Variants in LRP8 observed in about 807,000 individuals in gnomAD.
LRP8 encodes the protein low-density lipoprotein receptor-related protein 8.
In LRP8, 46 loss-of-function variants were observed where a neutral mutation model predicts 111.6. The observed-to-expected ratio is 0.41, with a 90% confidence interval of 0.33 to 0.53. LRP8 has a LOEUF of 0.53. LRP8 is among the 20% of genes least tolerant of loss of function. The pLI is 0.20. For synonymous variants in LRP8, 464 were observed against 511.2 expected, an observed-to-expected ratio of 0.91 and a Z score of 1.24; for missense variants, 959 against 1,297.4, an observed-to-expected ratio of 0.74 and a Z score of 4.01.
At position 53,317,427 on chromosome 1, in the gene LRP8, C is replaced by T. The variant is rs945565873; in HGVS notation, c.244+9446G>A. Among the ~76,000 whole-genome samples, 31 of 152,206 alleles carry T rather than the reference C, an allele frequency of 2.0e-4. No individual in the cohort carries two copies. Among genetic ancestry groups the T allele is most frequent in the Admixed American group, 9.8e-4 (15 of 15,288 alleles). On this transcript the variant is annotated intron_variant, in intron 2 of 18. Coordinates refer to ENST00000306052, the MANE Select transcript of LRP8 (RefSeq NM_004631.5). This position sits in a 1 kb window ranked among gnomAD's most constrained non-coding sequence, Gnocchi z 4.9. ...GGAAGCAGCCACCCTGGGGCCCCAGCGCAGATGGGGTGGGATGAGATGGCT... is the reference window on the plus strand; with the variant it reads ...GGAAGCAGCCACCCTGGGGCCCCAGTGCAGATGGGGTGGGATGAGATGGCT...
chr1:53,259,048 T>C (rs1646224764), intron 13 of LRP8, among the ~76,000 whole-genome samples: 1 of 152,248 alleles, frequency 6.6e-6, no homozygotes, highest in South Asian at 2.1e-4. Flanking sequence ...CACTCATTAG[T>C]TGATGGACAC....
intron 2 of LRP8, among the ~76,000 whole-genome samples, chr1:53,314,623 G>C (rs1390618910): frequency 1.3e-5 from 2 of 152,188 alleles, no homozygotes; most frequent in African/African-American, 2.4e-5. Context: ...CAGAAGAGCA[G>C]GTTTTCTAAC....
In LRP8 at chr1:53,279,084, T is replaced by G. The variant is rs546388716; in HGVS notation, c.496+1503A>C. Among the ~76,000 whole-genome samples the G allele has an allele frequency of 5.5e-4, 84 of 152,166 alleles. No individual in the cohort carries two copies. The highest frequency in any genetic ancestry group is 2.0e-3 in the African/African-American group (82 of 41,492). The stretch of plus-strand genomic sequence containing the variant: ...TTAATTTTTAATTTTACTTGAAGAC[T>G]TGGATGGCAAGGAAGTGCTTCTTCA... On this transcript the variant is annotated intron_variant, in intron 4 of 18. Coordinates refer to ENST00000306052, the MANE Select transcript of LRP8 (RefSeq NM_004631.5). This position sits in a 1 kb window ranked among gnomAD's most constrained non-coding sequence, Gnocchi z 4.4.
At position 53,327,003 on chromosome 1, in the gene LRP8, G is replaced by T; in HGVS notation, c.125-11C>A. ...AATCCTTGGCCGGCCCTGCGAGGGG[G>T]AGGGAGCGTGAGCTGGATCAGCGGA... On this transcript the variant is annotated splice_polypyrimidine_tract_variant and intron_variant, in intron 1 of 18. Transcript: ENST00000306052. The T allele has an allele frequency of 1.2e-6, 2 of 1,611,412 alleles. No individual in the cohort carries two copies. The highest frequency in any genetic ancestry group is 1.7e-5 in the Admixed American group (1 of 60,004).
chr1:53,302,337 G>A (rs1200833668), intron 2 of LRP8, among the ~76,000 whole-genome samples: 2 of 152,080 alleles, frequency 1.3e-5, no homozygotes, highest in African/African-American at 4.8e-5. Context: ...AGGTGTAAGC[G>A]TGTGGTCCAC....
At chr1:53,305,590 C>A (rs1651783390) in intron 2 of LRP8, among the ~76,000 whole-genome samples, 1 of 152,236 alleles carries the variant, frequency 6.6e-6, no homozygotes, top group East Asian at 1.9e-4. Context: ...TATTACCTGG[C>A]AGCCAGCGGG....
chr1:53,324,852 G>A (rs2100555217), intron 2 of LRP8, among the ~76,000 whole-genome samples: 1 of 152,166 alleles, frequency 6.6e-6, no homozygotes, highest in East Asian at 1.9e-4. Flanking sequence ...CCCCACCTCA[G>A]CAGACAGTGC....
At position 53,255,162 on chromosome 1, in the gene LRP8, C is replaced by T. The variant is rs377616775; in HGVS notation, c.2458G>A (p.Gly820Ser). 3.7e-6 allele frequency: 6 copies of T among 1,613,636 alleles called. No homozygotes were observed. The African/African-American group carries it at 6.7e-5, about 18-fold the overall frequency. Residue 820 changes from glycine (G) to serine (S), a missense_variant, in exon 16 of 19, where the codon GGC (glycine) becomes AGC (serine). Gly to Ser is a moderately conservative substitution (Grantham distance 56, BLOSUM62 0). Around this residue, in one of 3 missense-constraint regions of LRP8, gnomAD observed 819 missense variants for 1,097.6 expected, o/e 0.75. Transcript: ENST00000306052. Reference protein sequence around the residue: ...QHYANEDSKMGSTVTAAVIGI... With the variant: ...QHYANEDSKMSSTVTAAVIGI... ...ATAACAGCGGCAGTGACTGTTGAGC[C>T]CATCTTACTGTCTTCATTTGCATCT... is the stretch of plus-strand genomic sequence containing the variant.
chr1:53,294,441 C>T lies in LRP8; in HGVS notation c.245-4752G>A, dbSNP rs180779684. On this transcript the variant is annotated intron_variant, in intron 2 of 18. Coordinates refer to ENST00000306052, the MANE Select transcript of LRP8 (RefSeq NM_004631.5). This position sits in a 1 kb window ranked among gnomAD's most constrained non-coding sequence, Gnocchi z 4.1. The stretch of plus-strand genomic sequence containing the variant: ...AGACAGTCCATGGTCTATCAAACTG[C>T]GCCCTGCCACTTGTAGGCTATGTGA... 5.9e-5 allele frequency among the ~76,000 whole-genome samples: 9 copies of T among 152,308 alleles called. No homozygotes were observed. Among genetic ancestry groups the T allele is most frequent in the Admixed American group, 4.6e-4 (7 of 15,304 alleles).
At chr1:53,272,721 CAGACCCTTGG>C in intron 6 of LRP8, 1 of 1,270,078 alleles carries the variant, frequency 7.9e-7, no homozygotes, top group South Asian at 1.2e-5. Context: ...TGGGAAGCCT[CAGACCCTTGG>C]AGGTGGGCTG....
chr1:53,298,882 G>A (rs1050404160), intron 2 of LRP8, among the ~76,000 whole-genome samples: 14 of 152,314 alleles, frequency 9.2e-5, no homozygotes, highest in Admixed American at 3.9e-4. Context: ...CAGCTCTTCC[G>A]CTTCTTCTTT....
intron 2 of LRP8, among the ~76,000 whole-genome samples, chr1:53,316,033 C>G (rs1315644650): frequency 6.6e-6 from 1 of 152,216 alleles, no homozygotes; most frequent in Admixed American, 6.5e-5. Context: ...CCCTGGTTTG[C>G]TTGGTCCAAT....
In LRP8 at chr1:53,301,073, G is replaced by A. The variant is rs114237720; in HGVS notation, c.245-11384C>T. On this transcript the variant is annotated intron_variant, in intron 2 of 18. Transcript: ENST00000306052. Reference sequence around the variant, plus strand: ...GGCCAGTGTAGTCAGCACCCGCTCCGGGAGGGGAGACAGGTGTGCTGCTGG... The same window carrying A: ...GGCCAGTGTAGTCAGCACCCGCTCCAGGAGGGGAGACAGGTGTGCTGCTGG... Among the ~76,000 whole-genome samples the A allele has an allele frequency of 4.3e-3, 653 of 152,280 alleles. 8 individuals are homozygous for A. The highest frequency in any genetic ancestry group is 0.015 in the African/African-American group (627 of 41,554).
chr1:53,276,396 C>T (rs997379729), intron 5 of LRP8, among the ~76,000 whole-genome samples: 3 of 128,908 alleles, frequency 2.3e-5, no homozygotes, highest in African/African-American at 9.2e-5. Context: ...CTGAGCCTGC[C>T]AGGTTTCTGG....
rs1250230689 is a variant in LRP8, at chr1:53,262,620, C to T, written c.1656-56G>A. On this transcript the variant is annotated intron_variant, in intron 10 of 18. Transcript: ENST00000306052. This position sits in a 1 kb window ranked among gnomAD's most constrained non-coding sequence, Gnocchi z 4.8. The stretch of plus-strand genomic sequence containing the variant: ...TTGCTGGGGACATGACCGGGGTGGT[C>T]TGAGTCACAAGAGCTCAATAACCCA... 2 of 1,410,426 alleles carry T rather than the reference C, an allele frequency of 1.4e-6. No homozygotes were observed. The highest frequency in any genetic ancestry group is 2.8e-5 in the African/African-American group (2 of 71,020). The allele number at this position is 1,410,426 out of a possible 1,614,324, so 87.4% of individuals were successfully genotyped here.
chr1:53,254,979 G>C, intron 16 of LRP8, 138 bp downstream of exon 16: 1 of 884,370 alleles, frequency 1.1e-6, no homozygotes, highest in Non-Finnish European at 1.8e-6. Context: ...AATTAAATCA[G>C]GACTGGGAGG....
chr1:53,272,620 G>C (rs758531642), intron 6 of LRP8: 11 of 1,289,560 alleles, frequency 8.5e-6, no homozygotes, highest in East Asian at 1.1e-4. Flanking sequence ...GCCTCCTCCT[G>C]TTTCCCAGGA....
chr1:53,252,245 G>A (rs1572422850), intron 16 of LRP8, among the ~76,000 whole-genome samples: 3 of 151,814 alleles, frequency 2.0e-5, no homozygotes, highest in Non-Finnish European at 4.4e-5. Context: ...AAAATTTAAC[G>A]GAGGCCAGGC....
intron 2 of LRP8, among the ~76,000 whole-genome samples, chr1:53,302,606 T>C (rs1425209717): frequency 6.6e-6 from 1 of 152,136 alleles, no homozygotes; most frequent in Non-Finnish European, 1.5e-5. Context: ...TGTCCACCTC[T>C]CGCTTTTTCC....
Sources: gnomAD v4.1 joint callset for allele counts (sites outside exome capture counted in the v4.1 genomes callset) on GRCh38, gnomAD v4.1.1 for gene constraint, gnomAD v4.1.1 regional missense constraint, Gnocchi (gnomAD v3.1) non-coding constraint, MANE v1.5 for transcripts, NCBI Gene and HGNC (gene_info 2026-07-23, HGNC 2026-07-21) for gene names.